Variants in STARD13 observed in about 807,000 individuals in gnomAD.
STARD13 encodes the protein StAR related lipid transfer domain containing 13.
STARD13 carries 62 observed loss-of-function variants against 106.4 expected under a neutral mutation model. The observed-to-expected ratio is 0.58, with a 90% CI of 0.48 to 0.72. STARD13 has a LOEUF of 0.72. STARD13 is among the 30% of genes least tolerant of loss of function. The probability of loss-of-function intolerance (pLI) is 0.00; values close to 1 mark genes in which losing one functional copy is unlikely to be tolerated. For missense variants in STARD13, 1,387 were observed against 1,424.0 expected, an observed-to-expected ratio of 0.97 and a Z score of 0.42; for synonymous variants, 565 against 553.0, an observed-to-expected ratio of 1.02 and a Z score of -0.31.
At chr13:33,555,183 G>A in the STARD13 span, among the ~76,000 whole-genome samples, 1 of 152,230 alleles carries the variant, frequency 6.6e-6, no homozygotes, top group Non-Finnish European at 1.5e-5. Context: ...GAAACTAGGT[G>A]TTAGGTGCCC....
chr13:33,146,717 C>A (rs1421421485), intron 3 of STARD13, among the ~76,000 whole-genome samples: 2 of 152,176 alleles, frequency 1.3e-5, no homozygotes, highest in Non-Finnish European at 2.9e-5. Context: ...TTGTCAAAAT[C>A]AACTTTTTAA....
chr13:33,598,679 C>T, the STARD13 span, among the ~76,000 whole-genome samples: 5 of 152,196 alleles, frequency 3.3e-5, no homozygotes, highest in Non-Finnish European at 7.3e-5. Context: ...CTTCATAAAA[C>T]TTTGCTAGTT....
chr13:33,590,616 G>A, the STARD13 span, among the ~76,000 whole-genome samples: 4 of 147,454 alleles, frequency 2.7e-5, no homozygotes, highest in African/African-American at 2.5e-5. Context: ...ACCAAACACC[G>A]CATGTTCTCA....
rs1893428989 is a variant in STARD13, at chr13:33,318,529, G to A, written c.124+31761C>T. 2.0e-5 allele frequency among the ~76,000 whole-genome samples: 3 copies of A among 152,110 alleles called. No individual in the cohort carries two copies. The South Asian group carries it at 6.2e-4, about 32-fold the overall frequency. On this transcript the variant is annotated intron_variant, in intron 1 of 5. Coordinates refer to the STARD13 transcript ENST00000567873. ...GGATTAGATGTCATTTTTTAGAAAT[G>A]ACATGTAAAGCAATAAGCAATCAAA...
At chr13:33,454,172 C>A in the STARD13 span, among the ~76,000 whole-genome samples, 12 of 152,196 alleles carry the variant, frequency 7.9e-5, no homozygotes, top group Non-Finnish European at 1.8e-4. Context: ...GCAGGCTGCT[C>A]CTGCCCAGTG....
At chr13:33,473,867 C>T in the STARD13 span, among the ~76,000 whole-genome samples, 149 of 152,270 alleles carry the variant, frequency 9.8e-4, no homozygotes, top group Middle Eastern at 3.4e-3. Flanking sequence ...GGATCTGCTC[C>T]TCTCGATTTG....
intron 1 of STARD13, among the ~76,000 whole-genome samples, chr13:33,172,426 G>C (rs1400838320): frequency 6.6e-6 from 1 of 152,144 alleles, no homozygotes. Context: ...AGTTAAAAGA[G>C]ATTTACAAGC....
At chr13:33,222,654 C>T (rs1179353681) in intron 1 of STARD13, among the ~76,000 whole-genome samples, 1 of 152,184 alleles carries the variant, frequency 6.6e-6, no homozygotes, top group East Asian at 1.9e-4. Context: ...CACATCATGT[C>T]TACTTCTCCT....
At chr13:33,455,558 C>T in the STARD13 span, among the ~76,000 whole-genome samples, 1 of 152,120 alleles carries the variant, frequency 6.6e-6, no homozygotes, top group African/African-American at 2.4e-5. Context: ...ACAACAAGAG[C>T]CTGCCAGCTA....
the STARD13 span, among the ~76,000 whole-genome samples, chr13:33,541,398 G>T: frequency 6.6e-6 from 1 of 151,990 alleles, no homozygotes; most frequent in African/African-American, 2.4e-5. Flanking sequence ...TGGATATCCT[G>T]CCTCCTTCTT....
chr13:33,316,218 CT>C (rs1423538349), intron 1 of STARD13, among the ~76,000 whole-genome samples: 3 of 152,182 alleles, frequency 2.0e-5, no homozygotes, highest in African/African-American at 7.2e-5. Context: ...CACCTGTTAT[CT>C]CTCACATGTG....
chr13:33,152,768 G>A (rs1051748928), intron 3 of STARD13, among the ~76,000 whole-genome samples: 4 of 152,166 alleles, frequency 2.6e-5, no homozygotes, highest in Non-Finnish European at 4.4e-5. Flanking sequence ...GGCCTCTGCT[G>A]TCTCCCTTGT....
chr13:33,481,994 A>G, the STARD13 span, among the ~76,000 whole-genome samples: 1,384 of 152,088 alleles, frequency 9.1e-3, 20 homozygotes, highest in African/African-American at 0.032. Flanking sequence ...AAAAAAAAAA[A>G]AAAGAAAGAA....
intron 7 of STARD13, 87 bp downstream of exon 7, chr13:33,125,993 TG>T: frequency 6.9e-7 from 1 of 1,449,928 alleles, no homozygotes; most frequent in Non-Finnish European, 9.5e-7. Flanking sequence ...TGCCTGATAT[TG>T]GGCAGATCTG....
Position 33,129,126 on chromosome 13 carries a change from C to G in STARD13, c.1551G>C (p.Leu517Phe). Residue 517 changes from leucine (L) to phenylalanine (F), a missense_variant, in exon 5 of 14, where the codon TTG (leucine) becomes TTC (phenylalanine). Physicochemically the swap from Leu to Phe is conservative, Grantham distance 22. Coordinates refer to ENST00000336934, the MANE Select transcript of STARD13 (RefSeq NM_178006.4). ...AGGTGGATAAGCCAGGTTCCCCAAC[C>G]AATGTATCATGAGTTTGCAGTTCAG... ...VLPELQTHDT[L>F]VGEPGLSTFP... 1.2e-6 allele frequency: 2 copies of G among 1,614,164 alleles called. No individual in the cohort carries two copies. Among genetic ancestry groups the G allele is most frequent in the Non-Finnish European group, 8.5e-7 (1 of 1,180,026 alleles).
the STARD13 span, among the ~76,000 whole-genome samples, chr13:33,581,021 C>T: frequency 6.6e-6 from 1 of 152,040 alleles, no homozygotes; most frequent in Non-Finnish European, 1.5e-5. Flanking sequence ...TTTACTAATC[C>T]AGTTTAAATA....
At chr13:33,186,037 A>G (rs1885736727) in intron 1 of STARD13, 2 of 1,614,044 alleles carry the variant, frequency 1.2e-6, no homozygotes, top group East Asian at 4.5e-5. Context: ...GTTCAAAGAA[A>G]TTCAGAGCAA....
chr13:33,162,387 G>A (rs899960142), intron 3 of STARD13, among the ~76,000 whole-genome samples: 1 of 152,260 alleles, frequency 6.6e-6, no homozygotes, highest in South Asian at 2.1e-4. Context: ...ATTGTCTTGG[G>A]GATTACCATT....
the STARD13 span, among the ~76,000 whole-genome samples, chr13:33,494,683 T>C: frequency 6.6e-6 from 1 of 152,062 alleles, no homozygotes; most frequent in African/African-American, 2.4e-5. Context: ...TGCAACTGGA[T>C]GGAGGCTTCA....
Sources: gnomAD v4.1 joint callset for allele counts (sites outside exome capture counted in the v4.1 genomes callset) on GRCh38, gnomAD v4.1.1 for gene constraint, MANE v1.5 for transcripts, NCBI Gene and HGNC (gene_info 2026-07-23, HGNC 2026-07-21) for gene names.